ATOSA: variants seen among roughly 807,000 people sequenced by gnomAD.
ATOSA encodes atos homolog protein A.
chr15:52,693,652 A>G, the ATOSA span, among the ~76,000 whole-genome samples: 1 of 152,238 alleles, frequency 6.6e-6, no homozygotes, highest in African/African-American at 2.4e-5. Context: ...AAGAAGATCT[A>G]AATAAATTGG....
the ATOSA span, among the ~76,000 whole-genome samples, chr15:52,582,973 A>G: frequency 1.3e-5 from 2 of 152,302 alleles, no homozygotes; most frequent in African/African-American, 4.8e-5. Flanking sequence ...CTGTAGTGCT[A>G]ATTTCTCTTT....
the ATOSA span, among the ~76,000 whole-genome samples, chr15:52,643,590 CTTTT>C: frequency 7.3e-6 from 1 of 136,682 alleles, no homozygotes; most frequent in African/African-American, 2.7e-5. Context: ...GCCTTGAACT[CTTTT>C]TTTTTTTTTT....
At chr15:52,584,740 A>C in the ATOSA span, 1 of 1,605,146 alleles carries the variant, frequency 6.2e-7, no homozygotes, top group Non-Finnish European at 8.5e-7. Context: ...AATTTGAAGC[A>C]TTACCTCAGA....
chr15:52,585,195 C>CAT, the ATOSA span: 1 of 310,890 alleles, frequency 3.2e-6, no homozygotes, highest in South Asian at 4.9e-5. Flanking sequence ...TCACAAATTT[C>CAT]ATATATATAA....
At chr15:52,600,729 A>G in the ATOSA span, among the ~76,000 whole-genome samples, 1 of 151,920 alleles carries the variant, frequency 6.6e-6, no homozygotes, top group African/African-American at 2.4e-5. Flanking sequence ...CAAGGGCAAA[A>G]TTGTGTGACT....
At chr15:52,590,979 G>T in the ATOSA span, among the ~76,000 whole-genome samples, 3 of 152,194 alleles carry the variant, frequency 2.0e-5, no homozygotes, top group Non-Finnish European at 4.4e-5. Flanking sequence ...TCATCTGCGT[G>T]TACATCTCTA....
chr15:52,684,835 C>T, the ATOSA span, among the ~76,000 whole-genome samples: 238 of 152,258 alleles, frequency 1.6e-3, no homozygotes, highest in African/African-American at 5.6e-3. Flanking sequence ...CCTTGGCCCC[C>T]CAAAGTGTTG....
At chr15:52,631,894 T>C in the ATOSA span, among the ~76,000 whole-genome samples, 20 of 152,310 alleles carry the variant, frequency 1.3e-4, no homozygotes, top group African/African-American at 4.6e-4. Context: ...TGCGCCATCA[T>C]GCCCAGCTAT....
chr15:52,643,759 A>T, the ATOSA span, among the ~76,000 whole-genome samples: 1 of 152,156 alleles, frequency 6.6e-6, no homozygotes, highest in African/African-American at 2.4e-5. Flanking sequence ...CTGAAAATAC[A>T]AAAATTAGCT....
the ATOSA span, among the ~76,000 whole-genome samples, chr15:52,702,013 T>C: frequency 1.3e-5 from 2 of 151,676 alleles, no homozygotes; most frequent in African/African-American, 2.4e-5. Context: ...CATGAAAAAA[T>C]GCTCCACATC....
the ATOSA span, among the ~76,000 whole-genome samples, chr15:52,619,786 G>A: frequency 1.8e-3 from 273 of 151,222 alleles, 1 homozygote; most frequent in East Asian, 0.026. Flanking sequence ...AACTGAGATT[G>A]CACCACTGCA....
the ATOSA span, among the ~76,000 whole-genome samples, chr15:52,619,266 T>C: frequency 5.3e-5 from 8 of 152,232 alleles, no homozygotes; most frequent in African/African-American, 1.2e-4. Context: ...CAGTAAAAAA[T>C]TTTTTTAAAG....
chr15:52,646,247 A>T, the ATOSA span, among the ~76,000 whole-genome samples: 2 of 152,216 alleles, frequency 1.3e-5, no homozygotes, highest in Admixed American at 1.3e-4. Flanking sequence ...GGTCTTTTTA[A>T]TTAAGAGGTG....
the ATOSA span, chr15:52,611,892 C>G: frequency 2.2e-6 from 2 of 929,044 alleles, no homozygotes; most frequent in Non-Finnish European, 3.2e-6. Flanking sequence ...TCAGCTATTG[C>G]AGAGCTTTGC....
the ATOSA span, among the ~76,000 whole-genome samples, chr15:52,703,510 G>A: frequency 0.01 from 1,540 of 152,122 alleles, 27 homozygotes; most frequent in African/African-American, 0.036. Flanking sequence ...CCCATATGAA[G>A]GGAATTTGCT....
the ATOSA span, among the ~76,000 whole-genome samples, chr15:52,594,763 C>T: frequency 6.6e-6 from 1 of 152,172 alleles, no homozygotes; most frequent in Non-Finnish European, 1.5e-5. Flanking sequence ...TCCTCATAAC[C>T]TCTCCTCTGA....
the ATOSA span, among the ~76,000 whole-genome samples, chr15:52,687,496 G>C: frequency 6.6e-6 from 1 of 152,084 alleles, no homozygotes; most frequent in Non-Finnish European, 1.5e-5. Context: ...AGAAGGAAAA[G>C]TTAATTCTCT....
chr15:52,652,858 G>A, the ATOSA span, among the ~76,000 whole-genome samples: 1 of 152,098 alleles, frequency 6.6e-6, no homozygotes, highest in Admixed American at 6.6e-5. Context: ...CTGGGCTTCA[G>A]TTTACCAGTT....
At chr15:52,595,875 TGAG>T in the ATOSA span, among the ~76,000 whole-genome samples, 1 of 150,728 alleles carries the variant, frequency 6.6e-6, no homozygotes. Context: ...TTTGGGAGAC[TGAG>T]GTGAGTAGAC....
Sources: allele counts gnomAD v4.1 joint callset (sites outside exome capture counted in the v4.1 genomes callset), GRCh38; gene constraint gnomAD v4.1.1; transcripts MANE v1.5; gene names NCBI Gene and HGNC (gene_info 2026-07-23, HGNC 2026-07-21).